HDAC9: variants seen among roughly 807,000 people sequenced by gnomAD.
HDAC9 encodes the protein histone deacetylase 9.
A neutral mutation model predicts 139.4 loss-of-function variants in HDAC9; 41 were observed. The observed-to-expected ratio is 0.29, with a 90% CI of 0.23 to 0.38. The LOEUF (loss-of-function observed/expected upper bound fraction) is 0.38, where lower values mean the gene tolerates loss of function less well. Among genes scored for constraint, HDAC9 ranks in the 10% least tolerant of loss-of-function variants. HDAC9 has a pLI of 1.00. For synonymous variants in HDAC9, 517 were observed against 476.2 expected (o/e 1.09, Z -1.12); for missense variants, 1,147 against 1,297.0 (o/e 0.88, Z 1.78).
intron 24 of HDAC9, among the ~76,000 whole-genome samples, chr7:18,964,168 T>C (rs529965973): frequency 9.2e-5 from 14 of 152,294 alleles, no homozygotes; most frequent in Middle Eastern, 3.4e-3. Context: ...ATTACCATTC[T>C]ACTGCTTTCT....
Position 18,103,075 on chromosome 7 carries a change from G to A in HDAC9, c.-97+15862G>A, listed in dbSNP as rs1391109004. ...CGGGGGAGGCCTCACAATCATGGTG[G>A]AAGGCAAAGGAGCAAAGGCACATCT... is the stretch of plus-strand genomic sequence containing the variant. On this transcript the variant is annotated intron_variant, in intron 1 of 12. Transcript: ENST00000417496. 8.5e-5 allele frequency among the ~76,000 whole-genome samples: 13 copies of A among 152,180 alleles called. 1 individual carries two copies. Among genetic ancestry groups the A allele is most frequent in the Non-Finnish European group, 1.3e-4 (9 of 68,036 alleles).
chr7:18,643,142 A>G (rs920171960), intron 8 of HDAC9, among the ~76,000 whole-genome samples: 5 of 152,016 alleles, frequency 3.3e-5, no homozygotes, highest in African/African-American at 9.7e-5. Flanking sequence ...TATACTTACA[A>G]TTTTCGTGAA....
chr7:18,511,765 C>T (rs1801577017), intron 2 of HDAC9, among the ~76,000 whole-genome samples: 1 of 151,974 alleles, frequency 6.6e-6, no homozygotes, highest in Non-Finnish European at 1.5e-5. Context: ...TATATGAGAC[C>T]CACTTTCTTC....
At chr7:18,677,744 T>C (rs1781612422) in intron 12 of HDAC9, among the ~76,000 whole-genome samples, 1 of 151,980 alleles carries the variant, frequency 6.6e-6, no homozygotes, top group South Asian at 2.1e-4. Context: ...TTATATATTT[T>C]GGATACAATC....
chr7:18,746,085 G>T (rs1309741967), intron 13 of HDAC9, among the ~76,000 whole-genome samples: 1 of 149,318 alleles, frequency 6.7e-6, no homozygotes, highest in Non-Finnish European at 1.5e-5. Flanking sequence ...TGTTCAGGCT[G>T]GTTTCAAATT....
At chr7:18,991,032 A>G (rs554672517) in intron 25 of HDAC9, among the ~76,000 whole-genome samples, 2 of 152,312 alleles carry the variant, frequency 1.3e-5, no homozygotes, top group East Asian at 3.9e-4. Flanking sequence ...GGAGCTGTAG[A>G]CCGGAGCTGT....
At chr7:18,462,570 T>C (rs950171416) in intron 1 of HDAC9, among the ~76,000 whole-genome samples, 1 of 152,022 alleles carries the variant, frequency 6.6e-6, no homozygotes, top group Non-Finnish European at 1.5e-5. Context: ...CTATCTTGAT[T>C]TCTATCAGTG....
chr7:18,579,893 C>T (rs1379902024), intron 2 of HDAC9, among the ~76,000 whole-genome samples: 1 of 152,010 alleles, frequency 6.6e-6, no homozygotes, highest in African/African-American at 2.4e-5. Context: ...ATTGCGCATT[C>T]TTAAAGTTTT....
At position 18,829,536 on chromosome 7, in the gene HDAC9, G is replaced by T; in HGVS notation, c.2454G>T (p.Leu818Phe). 6.3e-7 allele frequency: 1 copy of T among 1,597,540 alleles called. No individual in the cohort carries two copies. Among genetic ancestry groups the T allele is most frequent in the Non-Finnish European group, 8.6e-7 (1 of 1,165,928 alleles). Reference sequence around the variant, plus strand: ...ACCAACTAAATATAAGCAAGATATTGATTGTAGATCTGGTATGTATTCCTG... The same window carrying T: ...ACCAACTAAATATAAGCAAGATATTTATTGTAGATCTGGTATGTATTCCTG... Reference protein sequence around the residue: ...LRDQLNISKILIVDLDVHHGN... With the variant: ...LRDQLNISKIFIVDLDVHHGN... The change falls in exon 19 of 26, where the codon TTG becomes TTT. Residue 818 changes from leucine to phenylalanine, a missense_variant. Leu to Phe is a conservative substitution (Grantham distance 22). Coordinates refer to ENST00000686413, the MANE Select transcript of HDAC9 (RefSeq NM_178425.4).
intron 22 of HDAC9, among the ~76,000 whole-genome samples, chr7:18,890,744 C>T (rs1800610241): frequency 6.6e-6 from 1 of 152,170 alleles, no homozygotes; most frequent in South Asian, 2.1e-4. Context: ...AAATTCACTA[C>T]AGTGTAACAT....
chr7:18,351,165 A>T (rs1253745823), intron 1 of HDAC9, among the ~76,000 whole-genome samples: 1 of 152,188 alleles, frequency 6.6e-6, no homozygotes, highest in Non-Finnish European at 1.5e-5. Flanking sequence ...TTTCAAAAAC[A>T]CTAAACAGTT....
chr7:18,483,930 G>A (rs1795776284), intron 1 of HDAC9, among the ~76,000 whole-genome samples: 1 of 151,262 alleles, frequency 6.6e-6, no homozygotes, highest in Admixed American at 6.6e-5. Flanking sequence ...TTAAATGTCT[G>A]AAGGCCAATA....
At chr7:18,906,084 C>T (rs1381824594) in intron 22 of HDAC9, among the ~76,000 whole-genome samples, 2 of 150,378 alleles carry the variant, frequency 1.3e-5, no homozygotes, top group Non-Finnish European at 3.0e-5. Flanking sequence ...TCTCATTGAC[C>T]CATAACCTCT....
At chr7:18,685,635 G>A (rs1443908629) in intron 12 of HDAC9, among the ~76,000 whole-genome samples, 1 of 151,778 alleles carries the variant, frequency 6.6e-6, no homozygotes, top group African/African-American at 2.4e-5. Flanking sequence ...AAAAAGATTT[G>A]TTCAGTGTTT....
At position 18,657,871 on chromosome 7, in the gene HDAC9, A is replaced by G. The variant is rs537912980; in HGVS notation, c.1468-8342A>G. On this transcript the variant is annotated intron_variant, in intron 11 of 25. Transcript: ENST00000686413. The stretch of plus-strand genomic sequence containing the variant: ...CTTTTACATGGCCTACAAGGCTGTC[A>G]TGATCTGATTCTTGCCTCCTCCCTT... Among the ~76,000 whole-genome samples the G allele has an allele frequency of 6.2e-4, 95 of 152,180 alleles. 2 individuals are homozygous for G. In the South Asian group the frequency reaches 0.011, roughly 18 times the overall value.
At chr7:18,573,544 C>T (rs1000646414) in intron 2 of HDAC9, among the ~76,000 whole-genome samples, 9 of 152,186 alleles carry the variant, frequency 5.9e-5, no homozygotes, top group Non-Finnish European at 1.3e-4. Flanking sequence ...GCACTCGGCT[C>T]GTGCTGCCAG....
intron 12 of HDAC9, among the ~76,000 whole-genome samples, chr7:18,723,494 G>T (rs212664): frequency 0.78 from 118,945 of 152,118 alleles, 47,253 homozygotes; most frequent in East Asian, 0.95. Flanking sequence ...TGGATGAACA[G>T]TTATAAGTAA....
At chr7:18,752,759 A>C (rs113579923) in intron 14 of HDAC9, among the ~76,000 whole-genome samples, 1 of 152,146 alleles carries the variant, frequency 6.6e-6, no homozygotes, top group African/African-American at 2.4e-5. Context: ...AAGCCAGGTC[A>C]GTGCATTGTT....
chr7:18,530,503 G>T (rs1188677129), intron 2 of HDAC9, among the ~76,000 whole-genome samples: 1 of 151,546 alleles, frequency 6.6e-6, no homozygotes, highest in Non-Finnish European at 1.5e-5. Flanking sequence ...ATTTATACTG[G>T]TTTTCCATTT....
Sources: gnomAD v4.1 joint callset for allele counts (sites outside exome capture counted in the v4.1 genomes callset) on GRCh38, gnomAD v4.1.1 for gene constraint, MANE v1.5 for transcripts, NCBI Gene and HGNC (gene_info 2026-07-23, HGNC 2026-07-21) for gene names.